Variants in AFF3 observed in about 807,000 individuals in gnomAD.
AFF3 encodes AF4/FMR2 family member 3.
Under a neutral mutation model 129.7 loss-of-function variants are expected in AFF3, and 32 were observed. The observed-to-expected ratio is 0.25, with a 90% CI of 0.19 to 0.33. AFF3 has a LOEUF of 0.33. Ranked by LOEUF, AFF3 falls within the 10% of genes least tolerant of loss-of-function variation. The pLI, the probability that AFF3 is intolerant of heterozygous loss-of-function variation, is 1.00. For synonymous variants in AFF3, 644 were observed against 635.4 expected (o/e 1.01, Z -0.20); for missense variants, 1,373 against 1,592.0 (o/e 0.86, Z 2.34).
At chr2:99,648,320 A>C (rs1684879835) in intron 13 of AFF3, among the ~76,000 whole-genome samples, 1 of 49,476 alleles carries the variant, frequency 2.0e-5, no homozygotes, top group South Asian at 7.3e-4. Context: ...GTCTCAGTGC[A>C]TTTTGTTGAA....
At chr2:99,719,512 A>C (rs746281535) in intron 11 of AFF3, among the ~76,000 whole-genome samples, 1 of 152,120 alleles carries the variant, frequency 6.6e-6, no homozygotes, top group Admixed American at 6.5e-5. Context: ...TTATTTTCTG[A>C]AAGTTTGTAT....
At chr2:99,987,320 A>G (rs1036716075) in intron 7 of AFF3, among the ~76,000 whole-genome samples, 1 of 152,204 alleles carries the variant, frequency 6.6e-6, no homozygotes, top group African/African-American at 2.4e-5. Flanking sequence ...GACGATGTGT[A>G]CCTAGCACAA....
intron 10 of AFF3, among the ~76,000 whole-genome samples, chr2:99,733,288 G>A (rs566504461): frequency 4.2e-4 from 63 of 151,102 alleles, no homozygotes; most frequent in Non-Finnish European, 8.6e-4. Context: ...GCTGAGGCAG[G>A]AGAATTGCTT....
intron 12 of AFF3, among the ~76,000 whole-genome samples, chr2:99,658,453 C>G (rs1685947052): frequency 6.6e-6 from 1 of 152,062 alleles, no homozygotes; most frequent in Admixed American, 6.6e-5. Flanking sequence ...CTCGGGGCAA[C>G]TCAGCCTCAG....
intron 7 of AFF3, among the ~76,000 whole-genome samples, chr2:99,907,701 C>T (rs962274562): frequency 2.6e-5 from 4 of 151,974 alleles, no homozygotes; most frequent in Non-Finnish European, 5.9e-5. Context: ...TACAATGGCA[C>T]GATCCCAGCT....
intron 7 of AFF3, among the ~76,000 whole-genome samples, chr2:99,891,956 G>A (rs1462144392): frequency 6.6e-6 from 1 of 152,112 alleles, no homozygotes; most frequent in Non-Finnish European, 1.5e-5. Context: ...CGGAGTAGCT[G>A]GGACTACAGG....
At position 100,139,054 on chromosome 2, in the gene AFF3, T is replaced by C. The variant is rs148792821; in HGVS notation, c.-228+3430A>G. Among the ~76,000 whole-genome samples the C allele has an allele frequency of 2.0e-5, 3 of 152,000 alleles. No individual in the cohort carries two copies. In the East Asian group the frequency reaches 5.8e-4, roughly 29 times the overall value. On this transcript the variant is annotated intron_variant, in intron 1 of 24. Coordinates refer to ENST00000672756, the MANE Select transcript of AFF3 (RefSeq NM_001386135.1). ...GGTAGAATGCCTTTCTGTTTGCCAA[T>C]TTATCATCAAAGGGGCAAGAGGATG...
At chr2:99,858,038 A>T (rs545971655) in intron 7 of AFF3, among the ~76,000 whole-genome samples, 1 of 152,314 alleles carries the variant, frequency 6.6e-6, no homozygotes, top group African/African-American at 2.4e-5. Flanking sequence ...TGGACTGGAC[A>T]TGACAGCAGC....
chr2:99,699,195 T>C (rs1252659827), intron 11 of AFF3, among the ~76,000 whole-genome samples: 2 of 152,200 alleles, frequency 1.3e-5, no homozygotes, highest in African/African-American at 2.4e-5. Flanking sequence ...CGTTTTCCTA[T>C]GAATGCAAAG....
At chr2:100,113,707 C>G (rs144093850) in intron 2 of AFF3, among the ~76,000 whole-genome samples, 2 of 152,288 alleles carry the variant, frequency 1.3e-5, no homozygotes, top group Non-Finnish European at 2.9e-5. Flanking sequence ...AATACAGCCC[C>G]TAACATTGGG....
intron 9 of AFF3, among the ~76,000 whole-genome samples, chr2:99,746,492 A>AGGG (rs1681170042): frequency 1.3e-5 from 2 of 152,244 alleles, no homozygotes; most frequent in African/African-American, 2.4e-5. Context: ...TCTATTAAAC[A>AGGG]GCCTGAGTCA....
intron 9 of AFF3, among the ~76,000 whole-genome samples, chr2:99,749,052 A>G (rs771288319): frequency 3.3e-5 from 5 of 152,206 alleles, no homozygotes; most frequent in African/African-American, 4.8e-5. Context: ...ATGTGTGTGT[A>G]TGAATAATAT....
At position 99,944,561 on chromosome 2, in the gene AFF3, C is replaced by G. The variant is rs191562497; in HGVS notation, c.873+62071G>C. Among the ~76,000 whole-genome samples the G allele has an allele frequency of 1.2e-3, 185 of 152,322 alleles. 1 individual carries two copies. The highest frequency in any genetic ancestry group is 4.1e-3 in the African/African-American group (171 of 41,566). On this transcript the variant is annotated intron_variant, in intron 7 of 24. Transcript: ENST00000672756. ...GTGATGAATGGAGAATGGGGAGGGT[C>G]AGCCTCACCTTCCATGCAGGTCAAT... is the stretch of plus-strand genomic sequence containing the variant.
intron 8 of AFF3, among the ~76,000 whole-genome samples, chr2:99,820,203 C>T (rs999942073): frequency 2.6e-5 from 4 of 152,158 alleles, no homozygotes; most frequent in African/African-American, 4.8e-5. Context: ...ACCTGGGTGG[C>T]ACAGCCTGCT....
At chr2:100,123,079 C>A (rs968007215) in intron 2 of AFF3, among the ~76,000 whole-genome samples, 1 of 152,104 alleles carries the variant, frequency 6.6e-6, no homozygotes, top group African/African-American at 2.4e-5. Flanking sequence ...AGTGAAGTAG[C>A]CATGACCTTC....
chr2:99,928,416 T>C (rs1696429610), intron 7 of AFF3, among the ~76,000 whole-genome samples: 1 of 152,202 alleles, frequency 6.6e-6, no homozygotes, highest in Non-Finnish European at 1.5e-5. Flanking sequence ...ATACAAGCTC[T>C]TTGTCCTCAC....
chr2:99,859,751 G>A (rs1356549914), intron 7 of AFF3, among the ~76,000 whole-genome samples: 2 of 152,150 alleles, frequency 1.3e-5, no homozygotes, highest in Non-Finnish European at 2.9e-5. Context: ...AGAAGAAGTT[G>A]CAAAATTCTG....
At chr2:99,748,647 T>C (rs1055105447) in intron 9 of AFF3, among the ~76,000 whole-genome samples, 3 of 152,236 alleles carry the variant, frequency 2.0e-5, no homozygotes, top group African/African-American at 7.2e-5. Flanking sequence ...AGGGTTACCC[T>C]GTGCTTTGAA....
intron 7 of AFF3, among the ~76,000 whole-genome samples, chr2:99,884,554 A>G (rs1438887423): frequency 3.5e-5 from 5 of 144,266 alleles, no homozygotes; most frequent in African/African-American, 1.3e-4. Flanking sequence ...ACATAACACC[A>G]CACCTGGCTA....
Sources: gnomAD v4.1 joint callset for allele counts (sites outside exome capture counted in the v4.1 genomes callset) on GRCh38, gnomAD v4.1.1 for gene constraint, MANE v1.5 for transcripts, NCBI Gene and HGNC (gene_info 2026-07-23, HGNC 2026-07-21) for gene names.